The following MYH15 variants were observed in gnomAD, a reference collection of about 807,000 sequenced individuals.
MYH15 encodes the protein myosin heavy chain 15.
MYH15 carries 227 observed loss-of-function variants against 240.5 expected under a neutral mutation model. That is an observed-to-expected ratio of 0.94 (90% CI 0.85 to 1.05). MYH15 has a LOEUF of 1.05. Among genes scored for constraint, MYH15 ranks in the 50% least tolerant of loss-of-function variants. MYH15 has a pLI of 0.00. For synonymous variants in MYH15, 785 were observed against 796.7 expected (o/e 0.99, Z 0.25); for missense variants, 2,217 against 2,247.5 (o/e 0.99, Z 0.27).
chr3:108,440,408 G>A (rs2082875610), intron 23 of MYH15, among the ~76,000 whole-genome samples: 1 of 152,030 alleles, frequency 6.6e-6, no homozygotes, highest in Admixed American at 6.6e-5. Flanking sequence ...TTTATGAAAG[G>A]GAATCAATAA....
upstream of MYH15, among the ~76,000 whole-genome samples, chr3:108,514,152 A>C (rs951781787): frequency 2.0e-5 from 3 of 152,210 alleles, no homozygotes; most frequent in Admixed American, 6.5e-5. Flanking sequence ...AACAGCTGCC[A>C]GCTGAGACAA....
intron 19 of MYH15, among the ~76,000 whole-genome samples, chr3:108,456,338 C>A (rs937396679): frequency 6.6e-6 from 1 of 152,108 alleles, no homozygotes; most frequent in African/African-American, 2.4e-5. Flanking sequence ...ATAATTTAAA[C>A]TTCTAGAATC....
At chr3:108,533,137 T>TTTTC (rs57336631), upstream of MYH15, among the ~76,000 whole-genome samples, 3 of 132,746 alleles carry the variant, frequency 2.3e-5, no homozygotes, top group Non-Finnish European at 4.9e-5. Flanking sequence ...TTTTTTTTTT[T>TTTTC]CATGAGTATT....
Position 108,399,131 on chromosome 3 carries a change from T to G in MYH15, c.4873A>C (p.Asn1625His), listed in dbSNP as rs1310220313. The G allele has an allele frequency of 3.7e-6, 6 of 1,614,120 alleles. No homozygotes were observed. In the East Asian group the frequency reaches 1.1e-4, roughly 30 times the overall value. ...TTGGTTGCTTCTGACACCTGCCGGTTGGCACAGCTAAGCTGGAGTTCCATC... is the reference window on the plus strand; with the variant it reads ...TTGGTTGCTTCTGACACCTGCCGGTGGGCACAGCTAAGCTGGAGTTCCATC... Reference protein sequence around the residue: ...NEMELQLSCANRQVSEATKSL... With the variant: ...NEMELQLSCAHRQVSEATKSL... Residue 1625 changes from asparagine to histidine, a missense_variant, in exon 34 of 41, where the codon AAC (asparagine) becomes CAC (histidine). Coordinates refer to ENST00000693548, the MANE Select transcript of MYH15 (RefSeq NM_014981.3).
intron 27 of MYH15, among the ~76,000 whole-genome samples, chr3:108,421,811 C>CTG (rs1175447086): frequency 1.3e-5 from 2 of 152,224 alleles, no homozygotes; most frequent in African/African-American, 4.8e-5. Flanking sequence ...GCCAAAGCAA[C>CTG]TGTACCCTCC....
At chr3:108,410,486 T>A in intron 31 of MYH15, 97 bp downstream of exon 31, 3 of 794,066 alleles carry the variant, frequency 3.8e-6, no homozygotes, top group South Asian at 3.1e-5. Flanking sequence ...TTAAAACATG[T>A]TGGGAATGTG....
chr3:108,384,803 T>A, intron 38 of MYH15, 21 bp from the exon 39 acceptor site: 1 of 1,600,780 alleles, frequency 6.2e-7, no homozygotes, highest in African/African-American at 1.3e-5. Context: ...TAGGCATGTA[T>A]GGGAAGGTGA....
At chr3:108,481,390 C>A (rs895551270) in intron 11 of MYH15, among the ~76,000 whole-genome samples, 3 of 152,098 alleles carry the variant, frequency 2.0e-5, no homozygotes, top group Admixed American at 1.3e-4. Flanking sequence ...AAATGAGGTC[C>A]CTGCTCTTAC....
rs2082751751 is a variant in MYH15, at chr3:108,428,876, T to C, written c.3318A>G (p.Gln1106=). Residue 1106 remains glutamine, a synonymous_variant, in exon 27 of 41, where the codon CAA becomes CAG. Transcript: ENST00000693548. ...LQKTVKELQT[Q]IKDLKEKLEA... ...CTAGTTTCTCTTTCAAATCCTTTAT[T>C]TGAGTCTGTAGCAAGAAATAATTTT... The C allele has an allele frequency of 3.1e-6, 5 of 1,603,996 alleles. No individual in the cohort carries two copies. Among genetic ancestry groups the C allele is most frequent in the South Asian group, 1.1e-5 (1 of 88,530 alleles).
In MYH15 at chr3:108,462,121, GC is replaced by G. The variant is rs2083076153; in HGVS notation, c.1864+989del. ...TGGACCAAACAAAACGTGTTTGAAG[GC>G]CAGTTTCTGCTCAGAGGCTGTCGAT... On this transcript the variant is annotated intron_variant, in intron 16 of 40. Coordinates refer to ENST00000693548, the MANE Select transcript of MYH15 (RefSeq NM_014981.3). 7.9e-5 allele frequency among the ~76,000 whole-genome samples: 12 copies of G among 152,206 alleles called. 1 individual carries two copies. The South Asian group carries it at 2.5e-3, about 32-fold the overall frequency.
intron 14 of MYH15, among the ~76,000 whole-genome samples, chr3:108,469,081 G>T (rs1172099102): frequency 1.3e-5 from 2 of 152,052 alleles, no homozygotes; most frequent in Non-Finnish European, 2.9e-5. Context: ...AAAATCAACG[G>T]GATATCTACT....
intron 2 of MYH15, among the ~76,000 whole-genome samples, chr3:108,505,404 G>A (rs2083467802): frequency 6.6e-6 from 1 of 152,022 alleles, no homozygotes; most frequent in South Asian, 2.1e-4. Flanking sequence ...CAAGTAGCTG[G>A]GACTACAAGC....
At chr3:108,545,688 T>C in the MYH15 span, among the ~76,000 whole-genome samples, 10 of 137,816 alleles carry the variant, frequency 7.3e-5, no homozygotes, top group African/African-American at 2.4e-4. Context: ...GTTTCTAATA[T>C]ACACATACAC....
At chr3:108,529,274 T>C (rs2083696353) in exon 1 of MYH15, 1 of 1,601,262 alleles carries the variant, frequency 6.2e-7, no homozygotes, top group African/African-American at 1.3e-5. Flanking sequence ...ATGATCTTTT[T>C]GGTAAGATGA....
At chr3:108,476,945 T>C (rs989659828) in intron 11 of MYH15, among the ~76,000 whole-genome samples, 1 of 152,152 alleles carries the variant, frequency 6.6e-6, no homozygotes, top group Admixed American at 6.6e-5. Context: ...AGAGTTACTA[T>C]GGAACCCAGC....
chr3:108,498,583 A>G (rs2083412418), intron 5 of MYH15, among the ~76,000 whole-genome samples: 1 of 152,178 alleles, frequency 6.6e-6, no homozygotes, highest in Non-Finnish European at 1.5e-5. Flanking sequence ...GCTTTACCTT[A>G]CCTTTGACAA....
intron 11 of MYH15, among the ~76,000 whole-genome samples, chr3:108,477,031 A>G (rs1576258390): frequency 1.3e-5 from 2 of 152,340 alleles, no homozygotes; most frequent in East Asian, 3.9e-4. Flanking sequence ...AAATGTTTCT[A>G]GCAGCATTAT....
At chr3:108,475,606 A>G (rs184764184) in intron 12 of MYH15, among the ~76,000 whole-genome samples, 2 of 152,310 alleles carry the variant, frequency 1.3e-5, no homozygotes, top group African/African-American at 4.8e-5. Context: ...GCATAGAACT[A>G]CAAAGAACTA....
At chr3:108,381,796 C>T (rs2082345351) in intron 40 of MYH15, among the ~76,000 whole-genome samples, 1 of 152,204 alleles carries the variant, frequency 6.6e-6, no homozygotes, top group African/African-American at 2.4e-5. Flanking sequence ...CCTTGTCTTG[C>T]CAATGAAGGC....
Sources: gnomAD v4.1 joint callset for allele counts (sites outside exome capture counted in the v4.1 genomes callset) on GRCh38, gnomAD v4.1.1 for gene constraint, MANE v1.5 for transcripts, NCBI Gene and HGNC (gene_info 2026-07-23, HGNC 2026-07-21) for gene names.